The following STAG1 variants were observed in gnomAD, a reference collection of about 807,000 sequenced individuals.
STAG1 encodes the protein STAG1 cohesin complex component.
STAG1 carries 26 observed loss-of-function variants against 170.9 expected under a neutral mutation model. That is an observed-to-expected ratio of 0.15 (90% CI 0.11 to 0.21). The LOEUF is 0.21. Ranked by LOEUF, STAG1 falls within the 10% of genes least tolerant of loss-of-function variation. The pLI is 1.00. For missense variants in STAG1, 964 were observed against 1,509.5 expected (o/e 0.64, Z 5.99); for synonymous variants, 514 against 497.7 (o/e 1.03, Z -0.44).
intron 1 of STAG1, among the ~76,000 whole-genome samples, chr3:136,692,247 G>A (rs1942750677): frequency 6.8e-6 from 1 of 146,338 alleles, no homozygotes; most frequent in South Asian, 2.2e-4. Context: ...TCAGGAGGAA[G>A]AGGCTGCAGT....
At chr3:136,725,856 C>G (rs751594542) in intron 1 of STAG1, among the ~76,000 whole-genome samples, 3 of 152,198 alleles carry the variant, frequency 2.0e-5, no homozygotes, top group Non-Finnish European at 4.4e-5. Flanking sequence ...AATCAGAACA[C>G]TTCATTCCCA....
chr3:136,385,718 A>G (rs2086855362), intron 22 of STAG1, among the ~76,000 whole-genome samples: 1 of 152,074 alleles, frequency 6.6e-6, no homozygotes. Flanking sequence ...AAACCTCTTA[A>G]AGAGACAGGG....
At chr3:136,505,808 CCTCT>C (rs1436527356) in intron 7 of STAG1, among the ~76,000 whole-genome samples, 1 of 152,186 alleles carries the variant, frequency 6.6e-6, no homozygotes, top group Non-Finnish European at 1.5e-5. Flanking sequence ...TTTGGGAAGG[CCTCT>C]CTGAGACCTT....
chr3:136,370,511 T>TA (rs1937273693), intron 23 of STAG1, among the ~76,000 whole-genome samples: 1 of 151,890 alleles, frequency 6.6e-6, no homozygotes, highest in African/African-American at 2.4e-5. Flanking sequence ...CCCTCACCAC[T>TA]CCCCCCACCC....
chr3:136,352,223 A>C (rs1437315118), intron 28 of STAG1, among the ~76,000 whole-genome samples: 1 of 152,142 alleles, frequency 6.6e-6, no homozygotes, highest in Non-Finnish European at 1.5e-5. Context: ...GTGCAGTGGC[A>C]CAATCTTGGC....
At chr3:136,603,340 T>C (rs113945511) in intron 4 of STAG1, among the ~76,000 whole-genome samples, 177 of 152,230 alleles carry the variant, frequency 1.2e-3, no homozygotes, top group African/African-American at 2.5e-3. Context: ...GTACAATTTA[T>C]GGGAGAGAAA....
chr3:136,563,894 G>A (rs1472510154), intron 5 of STAG1, among the ~76,000 whole-genome samples: 9 of 151,950 alleles, frequency 5.9e-5, no homozygotes, highest in Non-Finnish European at 4.4e-5. Flanking sequence ...ATGGTGGTGC[G>A]TGTCTGTAAT....
chr3:136,567,370 T>C (rs1005463183), intron 5 of STAG1, among the ~76,000 whole-genome samples: 6 of 152,230 alleles, frequency 3.9e-5, no homozygotes, highest in African/African-American at 1.4e-4. Flanking sequence ...TGCTCTACAA[T>C]TCAGCCACAG....
chr3:136,679,173 A>G (rs370667697), intron 1 of STAG1, among the ~76,000 whole-genome samples: 19 of 152,352 alleles, frequency 1.2e-4, no homozygotes, highest in East Asian at 9.6e-4. Flanking sequence ...ATTCTCCAAC[A>G]TTGCTGGTGG....
chr3:136,434,187 A>T (rs2088389965), intron 15 of STAG1, among the ~76,000 whole-genome samples: 1 of 152,138 alleles, frequency 6.6e-6, no homozygotes, highest in African/African-American at 2.4e-5. Context: ...ATATATATTT[A>T]TGTAACTGAT....
chr3:136,732,940 T>G (rs1934125592), intron 1 of STAG1, among the ~76,000 whole-genome samples: 1 of 152,084 alleles, frequency 6.6e-6, no homozygotes, highest in South Asian at 2.1e-4. Context: ...TTGCTAGCCC[T>G]ACCTGCTGAT....
At chr3:136,484,867 T>C (rs1167448905) in intron 9 of STAG1, among the ~76,000 whole-genome samples, 1 of 151,858 alleles carries the variant, frequency 6.6e-6, no homozygotes, top group African/African-American at 2.4e-5. Context: ...CCCCTTTCTT[T>C]GACTCGGAAA....
In STAG1 at chr3:136,658,462, A is replaced by C. The variant is rs552818617; in HGVS notation, c.-83-27481T>G. Among the ~76,000 whole-genome samples, 5 of 152,204 alleles carry C rather than the reference A, an allele frequency of 3.3e-5. No homozygotes were observed. The East Asian group carries it at 9.6e-4, about 29-fold the overall frequency. ...ATTTGTATCACCAATTTTTGCTTGC[A>C]AAACCAAAAAACCAAATATAACTAT... On this transcript the variant is annotated intron_variant, in intron 1 of 33. Transcript: ENST00000383202.
At chr3:136,488,970 G>C (rs970365511) in intron 9 of STAG1, among the ~76,000 whole-genome samples, 1 of 152,176 alleles carries the variant, frequency 6.6e-6, no homozygotes, top group African/African-American at 2.4e-5. Context: ...CCAAAGCAAA[G>C]AGTAATGCAG....
At chr3:136,414,927 C>G (rs1162380231) in intron 21 of STAG1, among the ~76,000 whole-genome samples, 1 of 152,022 alleles carries the variant, frequency 6.6e-6, no homozygotes, top group Non-Finnish European at 1.5e-5. Flanking sequence ...GGAAAGGGAT[C>G]AGGGAAGGGC....
At chr3:136,680,741 T>C (rs1194275478) in intron 1 of STAG1, among the ~76,000 whole-genome samples, 1 of 151,350 alleles carries the variant, frequency 6.6e-6, no homozygotes, top group Non-Finnish European at 1.5e-5. Flanking sequence ...AAGTAACCAT[T>C]GAATAACACA....
intron 1 of STAG1, among the ~76,000 whole-genome samples, chr3:136,656,164 T>TAA (rs111866086): frequency 7.3e-6 from 1 of 136,794 alleles, no homozygotes; most frequent in Admixed American, 7.3e-5. Flanking sequence ...CGCAAAAAAA[T>TAA]AAAAAAAAAA....
intron 22 of STAG1, among the ~76,000 whole-genome samples, chr3:136,381,215 A>T (rs1937942920): frequency 6.6e-6 from 1 of 152,218 alleles, no homozygotes; most frequent in African/African-American, 2.4e-5. Flanking sequence ...CAGCATTTAG[A>T]TAGCAACAGA....
At chr3:136,428,601 C>T (rs1479260575) in intron 16 of STAG1, among the ~76,000 whole-genome samples, 1 of 152,078 alleles carries the variant, frequency 6.6e-6, no homozygotes, top group African/African-American at 2.4e-5. Flanking sequence ...GAAGAGAACC[C>T]TGATAGAATA....
Sources: gnomAD v4.1 joint callset for allele counts (sites outside exome capture counted in the v4.1 genomes callset) on GRCh38, gnomAD v4.1.1 for gene constraint, MANE v1.5 for transcripts, NCBI Gene and HGNC (gene_info 2026-07-23, HGNC 2026-07-21) for gene names.